Variants in PPM1H observed in about 807,000 individuals in gnomAD.
PPM1H encodes protein phosphatase 1H.
Under a neutral mutation model 54.9 loss-of-function variants are expected in PPM1H, and 27 were observed. The ratio of observed to expected loss-of-function variants is 0.49; its 90% CI spans 0.36 to 0.68. The LOEUF (loss-of-function observed/expected upper bound fraction) is 0.68, where lower values mean the gene tolerates loss of function less well. Among genes scored for constraint, PPM1H ranks in the 30% least tolerant of loss-of-function variants. The probability of loss-of-function intolerance (pLI) is 0.00; values close to 1 mark genes in which losing one functional copy is unlikely to be tolerated. For missense variants in PPM1H, 596 were observed against 667.8 expected, an observed-to-expected ratio of 0.89 and a Z score of 1.19; for synonymous variants, 305 against 270.8, an observed-to-expected ratio of 1.13 and a Z score of -1.24.
chr12:62,838,335 GT>G (rs1403914617), intron 1 of PPM1H, among the ~76,000 whole-genome samples: 1,827 of 116,436 alleles, frequency 0.016, 50 homozygotes, highest in African/African-American at 0.044. Flanking sequence ...GTGTGTGTGT[GT>G]GTGGGGGGGG....
chr12:62,713,368 T>C (rs1166480891), intron 6 of PPM1H, among the ~76,000 whole-genome samples: 1 of 151,906 alleles, frequency 6.6e-6, no homozygotes, highest in Non-Finnish European at 1.5e-5. Context: ...ATCCAGGAGA[T>C]AGGGGAGAGA....
chr12:62,865,155 A>G (rs993526099), intron 1 of PPM1H, among the ~76,000 whole-genome samples: 11 of 152,218 alleles, frequency 7.2e-5, no homozygotes, highest in African/African-American at 2.6e-4. Context: ...CTAGGGAGGG[A>G]TTGCAAAGAA....
At chr12:62,778,791 C>T (rs1346036169) in intron 4 of PPM1H, among the ~76,000 whole-genome samples, 1 of 151,960 alleles carries the variant, frequency 6.6e-6, no homozygotes, top group African/African-American at 2.4e-5. Flanking sequence ...ATTAGCTTGG[C>T]ATGGTGGCAC....
At chr12:62,860,766 C>A (rs1029826254) in intron 1 of PPM1H, among the ~76,000 whole-genome samples, 4 of 152,202 alleles carry the variant, frequency 2.6e-5, no homozygotes, top group Non-Finnish European at 4.4e-5. Flanking sequence ...TCTAAAGAAT[C>A]ATATTCCAAT....
At chr12:62,655,411 C>T (rs1051974809) in intron 9 of PPM1H, among the ~76,000 whole-genome samples, 28 of 152,284 alleles carry the variant, frequency 1.8e-4, no homozygotes, top group African/African-American at 6.3e-4. Context: ...TCTCCTGCCC[C>T]CATTGTATTC....
At chr12:62,847,840 G>GA (rs957647060) in intron 1 of PPM1H, among the ~76,000 whole-genome samples, 14 of 149,192 alleles carry the variant, frequency 9.4e-5, no homozygotes, top group East Asian at 1.9e-4. Flanking sequence ...TCTAGCAACT[G>GA]AAAAAAAAAC....
chr12:62,720,322 C>A, intron 5 of PPM1H, 33 bp from the exon 6 acceptor site: 1 of 1,462,796 alleles, frequency 6.8e-7, no homozygotes, highest in Non-Finnish European at 9.6e-7. Context: ...AAAACACACA[C>A]ATACACGTAT....
chr12:62,877,533 C>A lies in PPM1H; in HGVS notation c.246-45254G>T, dbSNP rs1395213636. 4.6e-5 allele frequency among the ~76,000 whole-genome samples: 7 copies of A among 152,298 alleles called. No individual in the cohort carries two copies. In the East Asian group the frequency reaches 1.2e-3, roughly 25 times the overall value. On this transcript the variant is annotated intron_variant, in intron 1 of 9. Coordinates refer to ENST00000228705, the MANE Select transcript of PPM1H (RefSeq NM_020700.2). ...AGTTGAGCTTACCAACTCTGCTGAA[C>A]ACTCGATGTACTCTCTCTCTCTATT...
intron 5 of PPM1H, among the ~76,000 whole-genome samples, chr12:62,728,444 T>C (rs2076302022): frequency 6.6e-6 from 1 of 152,146 alleles, no homozygotes; most frequent in Non-Finnish European, 1.5e-5. Flanking sequence ...GAGCAGAAAC[T>C]GGTTTCAAAG....
At chr12:62,800,649 G>C (rs2076762400) in intron 3 of PPM1H, among the ~76,000 whole-genome samples, 1 of 152,102 alleles carries the variant, frequency 6.6e-6, no homozygotes, top group African/African-American at 2.4e-5. Context: ...TAATCTCCAG[G>C]TTTTAAGGCC....
At chr12:62,777,905 T>C (rs2076620628) in intron 4 of PPM1H, among the ~76,000 whole-genome samples, 1 of 152,250 alleles carries the variant, frequency 6.6e-6, no homozygotes, top group Non-Finnish European at 1.5e-5. Context: ...TTTGGTATGC[T>C]GTTTACTTGT....
intron 3 of PPM1H, among the ~76,000 whole-genome samples, chr12:62,800,000 C>T (rs977433912): frequency 4.6e-5 from 7 of 152,124 alleles, no homozygotes; most frequent in East Asian, 3.9e-4. Flanking sequence ...ACCACTACCA[C>T]GCCCAGCAAG....
intron 1 of PPM1H, among the ~76,000 whole-genome samples, chr12:62,865,979 C>G (rs1290433491): frequency 6.6e-6 from 1 of 152,236 alleles, no homozygotes; most frequent in African/African-American, 2.4e-5. Flanking sequence ...ATTCCCTAAA[C>G]TTCCAGCTCA....
chr12:62,728,346 T>A (rs2076301547), intron 5 of PPM1H, among the ~76,000 whole-genome samples: 1 of 152,186 alleles, frequency 6.6e-6, no homozygotes, highest in South Asian at 2.1e-4. Context: ...GAAAGGATGC[T>A]GGAACAACTG....
At chr12:62,692,970 C>T (rs2076091576) in intron 7 of PPM1H, among the ~76,000 whole-genome samples, 1 of 151,950 alleles carries the variant, frequency 6.6e-6, no homozygotes. Context: ...CACACTCTGC[C>T]CATGGAAGGC....
intron 1 of PPM1H, among the ~76,000 whole-genome samples, chr12:62,920,485 G>GTTTTTT (rs35100515): frequency 1.5e-5 from 2 of 136,678 alleles, no homozygotes; most frequent in Admixed American, 7.3e-5. Context: ...CCTGAATGAG[G>GTTTTTT]TTTTTTTTTT....
At chr12:62,765,978 G>C (rs565455092) in intron 4 of PPM1H, among the ~76,000 whole-genome samples, 3 of 152,164 alleles carry the variant, frequency 2.0e-5, no homozygotes, top group African/African-American at 7.2e-5. Context: ...ATCACTGAAG[G>C]GCTTTCAACA....
intron 2 of PPM1H, among the ~76,000 whole-genome samples, chr12:62,827,462 T>C (rs1411056202): frequency 6.6e-6 from 1 of 152,190 alleles, no homozygotes; most frequent in African/African-American, 2.4e-5. Flanking sequence ...TTTGGACTCC[T>C]GGCCTTCCCA....
At chr12:62,768,936 T>C (rs2076561854) in intron 4 of PPM1H, among the ~76,000 whole-genome samples, 1 of 152,170 alleles carries the variant, frequency 6.6e-6, no homozygotes, top group Non-Finnish European at 1.5e-5. Context: ...TTAAGCCTGT[T>C]ACCTGATTTC....
Sources: allele counts gnomAD v4.1 joint callset (sites outside exome capture counted in the v4.1 genomes callset), GRCh38; gene constraint gnomAD v4.1.1; transcripts MANE v1.5; gene names NCBI Gene and HGNC (gene_info 2026-07-23, HGNC 2026-07-21).